Variants in HIBCH observed in about 807,000 individuals in gnomAD.
HIBCH encodes the protein 3-hydroxyisobutyryl-CoA hydrolase, mitochondrial.
In HIBCH, 50 loss-of-function variants were observed where a neutral mutation model predicts 58.2. That is an observed-to-expected ratio of 0.86 (90% CI 0.68 to 1.09). The LOEUF is 1.09. Among genes scored for constraint, HIBCH ranks in the 50% least tolerant of loss-of-function variants. The probability of loss-of-function intolerance (pLI) is 0.00; values close to 1 mark genes in which losing one functional copy is unlikely to be tolerated. For missense variants in HIBCH, 450 were observed against 449.7 expected, an observed-to-expected ratio of 1.00 and a Z score of -0.01; for synonymous variants, 151 against 146.9, an observed-to-expected ratio of 1.03 and a Z score of -0.20.
chr2:190,261,279 A>G (rs770531019), intron 6 of HIBCH, 45 bp from the exon 7 acceptor site: 1 of 1,382,018 alleles, frequency 7.2e-7, no homozygotes, highest in South Asian at 1.2e-5. Context: ...AATTAAACAT[A>G]TTGTTAAAAA....
Position 190,319,771 on chromosome 2 carries a change from A to C in HIBCH, c.-21T>G, listed in dbSNP as rs1688800991. 6.2e-7 allele frequency: 1 copy of C among 1,609,072 alleles called. No homozygotes were observed. The highest frequency in any genetic ancestry group is 2.2e-5 in the East Asian group (1 of 44,816). On this transcript the variant is annotated 5_prime_UTR_variant, in exon 1 of 14. Transcript: ENST00000359678. ...CCCATCGCCAAACACTCCGAAGCTA[A>C]AGCAGCAGAGCGAGAATCTCCCGGA...
chr2:190,288,791 C>T (rs930514820), intron 5 of HIBCH, among the ~76,000 whole-genome samples: 9 of 152,140 alleles, frequency 5.9e-5, no homozygotes, highest in African/African-American at 2.2e-4. Flanking sequence ...AAATATGATA[C>T]AATGCTCTGC....
chr2:190,312,396 A>G (rs1176447921), intron 1 of HIBCH, among the ~76,000 whole-genome samples: 3 of 152,250 alleles, frequency 2.0e-5, no homozygotes, highest in African/African-American at 7.2e-5. Context: ...GAAAGAGGTC[A>G]AAGCTAGAAT....
chr2:190,302,777 T>C (rs1036158761), intron 2 of HIBCH, among the ~76,000 whole-genome samples: 1 of 152,170 alleles, frequency 6.6e-6, no homozygotes, highest in African/African-American at 2.4e-5. Context: ...AACAGGATTT[T>C]TTCCTTCTCA....
chr2:190,295,617 GAA>G (rs896503929), intron 3 of HIBCH, among the ~76,000 whole-genome samples: 1 of 152,166 alleles, frequency 6.6e-6, no homozygotes, highest in African/African-American at 2.4e-5. Context: ...GATGTAGCTG[GAA>G]AGACGTGATT....
chr2:190,203,712 G>A (rs891155205), downstream of HIBCH, among the ~76,000 whole-genome samples: 1 of 152,050 alleles, frequency 6.6e-6, no homozygotes, highest in African/African-American at 2.4e-5. Context: ...ATCTGTTACT[G>A]AATTATTTGA....
downstream of HIBCH, among the ~76,000 whole-genome samples, chr2:190,199,089 T>A (rs368549461): frequency 1.3e-5 from 2 of 152,340 alleles, no homozygotes; most frequent in South Asian, 2.1e-4. Flanking sequence ...GTTGTAAATA[T>A]GTGACCAGGG....
chr2:190,203,380 C>A (rs1458615309), downstream of HIBCH: 1 of 167,000 alleles, frequency 6.0e-6, no homozygotes, highest in Non-Finnish European at 1.5e-5. Context: ...ATTAGCAAAT[C>A]CTCTTCTCTG....
At chr2:190,262,141 C>G (rs1687104254) in intron 6 of HIBCH, among the ~76,000 whole-genome samples, 1 of 136,668 alleles carries the variant, frequency 7.3e-6, no homozygotes, top group South Asian at 2.2e-4. Context: ...CAAGTAAAAG[C>G]TGGTTTTATA....
rs1317456434 is a variant in HIBCH at position 190,205,071 on chromosome 2, AG to A, written c.*45del. The stretch of plus-strand genomic sequence containing the variant: ...AGGCTGGATTTGGCCCACATGCTGT[AG>A]ATTGCCAACCCATGCTACAAAATAT... On this transcript the variant is annotated 3_prime_UTR_variant, in exon 14 of 14. Transcript: ENST00000359678. The A allele has an allele frequency of 8.6e-6, 9 of 1,042,032 alleles. No individual in the cohort carries two copies. The highest frequency in any genetic ancestry group is 1.6e-5 in the African/African-American group (1 of 63,966). The allele number at this position is 1,042,032 out of a possible 1,614,324, so 64.5% of individuals were successfully genotyped here. A position where few individuals can be genotyped will look rare whatever the true frequency, so the allele number is the denominator to read the frequency against.
At chr2:190,190,514 T>C (rs1401239578) in intron 1 of HIBCH, among the ~76,000 whole-genome samples, 1 of 152,230 alleles carries the variant, frequency 6.6e-6, no homozygotes, top group African/African-American at 2.4e-5. Context: ...GCTATGGATA[T>C]TGGTATACAG....
intron 6 of HIBCH, among the ~76,000 whole-genome samples, chr2:190,263,506 A>G (rs912014367): frequency 6.6e-6 from 1 of 151,842 alleles, no homozygotes; most frequent in Non-Finnish European, 1.5e-5. Context: ...ACTTCACTCT[A>G]CCCCACTGTA....
intron 5 of HIBCH, among the ~76,000 whole-genome samples, chr2:190,287,953 A>G (rs1027603732): frequency 6.6e-6 from 1 of 152,050 alleles, no homozygotes; most frequent in Non-Finnish European, 1.5e-5. Flanking sequence ...GGTCAGCAGT[A>G]TGAGACCAGC....
chr2:190,235,708 A>T (rs564190062), intron 11 of HIBCH, among the ~76,000 whole-genome samples: 97 of 152,250 alleles, frequency 6.4e-4, no homozygotes, highest in South Asian at 2.9e-3. Context: ...AGTATGTGGT[A>T]TTCTCTCTGG....
intron 11 of HIBCH, among the ~76,000 whole-genome samples, chr2:190,218,054 C>G (rs1388805024): frequency 6.6e-6 from 1 of 152,092 alleles, no homozygotes; most frequent in East Asian, 1.9e-4. Context: ...AATATCTAAT[C>G]AAACTAATAG....
At chr2:190,253,600 T>C (rs752661241) in intron 7 of HIBCH, among the ~76,000 whole-genome samples, 8 of 152,140 alleles carry the variant, frequency 5.3e-5, no homozygotes, top group Non-Finnish European at 7.4e-5. Flanking sequence ...CCACATCTTA[T>C]TGATTTTCCC....
At chr2:190,291,359 C>T (rs1190631211) in intron 4 of HIBCH, among the ~76,000 whole-genome samples, 9 of 152,046 alleles carry the variant, frequency 5.9e-5, no homozygotes. Context: ...AGAATGGGAG[C>T]AGGAGATGTG....
rs1034124956 is a variant in HIBCH, at chr2:190,197,868, T to C, written c.*17+7232A>G. On this transcript the variant is annotated intron_variant, in intron 1 of 1. Coordinates refer to the HIBCH transcript ENST00000399855. This position sits in a 1 kb window ranked among gnomAD's most constrained non-coding sequence, Gnocchi z 4.0. ...CAGAATATTCTGATGGTTCCACTGA[T>C]GGTTCCACTCACAGCCTTTTATTTA... 1.3e-5 allele frequency among the ~76,000 whole-genome samples: 2 copies of C among 151,952 alleles called. No individual in the cohort carries two copies. Among genetic ancestry groups the C allele is most frequent in the East Asian group, 3.8e-4 (2 of 5,198 alleles).
chr2:190,198,651 AAAAAG>A (rs1437184742), intron 1 of HIBCH, among the ~76,000 whole-genome samples: 2 of 150,670 alleles, frequency 1.3e-5, no homozygotes, highest in Non-Finnish European at 3.0e-5. Flanking sequence ...AAAAAAAAAA[AAAAAG>A]GTGTTTTCAG....
Sources: gnomAD v4.1 joint callset for allele counts (sites outside exome capture counted in the v4.1 genomes callset) on GRCh38, gnomAD v4.1.1 for gene constraint, Gnocchi (gnomAD v3.1) non-coding constraint, MANE v1.5 for transcripts, NCBI Gene and HGNC (gene_info 2026-07-23, HGNC 2026-07-21) for gene names.